RSBN1L: variants seen among roughly 807,000 people sequenced by gnomAD.
RSBN1L encodes round spermatid basic protein 1 like.
RSBN1L carries 30 observed loss-of-function variants against 67.7 expected under a neutral mutation model. The observed-to-expected ratio is 0.44, with a 90% CI of 0.33 to 0.60. The LOEUF (loss-of-function observed/expected upper bound fraction) is 0.60. Among genes scored for constraint, RSBN1L ranks in the 20% least tolerant of loss-of-function variants. The pLI is 0.02. For missense variants in RSBN1L, 992 were observed against 1,031.7 expected (o/e 0.96, Z 0.53); for synonymous variants, 433 against 387.0 (o/e 1.12, Z -1.39).
chr7:77,750,776 C>T (rs1032966464), intron 3 of RSBN1L, among the ~76,000 whole-genome samples: 5 of 152,038 alleles, frequency 3.3e-5, no homozygotes, highest in Middle Eastern at 3.4e-3. Context: ...TTTCTAGGAA[C>T]GGTTTTTGGT....
intron 2 of RSBN1L, among the ~76,000 whole-genome samples, chr7:77,744,724 A>G (rs1791459244): frequency 6.6e-6 from 1 of 152,158 alleles, no homozygotes; most frequent in African/African-American, 2.4e-5. Flanking sequence ...GGCCACAGAT[A>G]GACTCTTTAG....
At chr7:77,748,661 T>C (rs1321393175) in intron 2 of RSBN1L, among the ~76,000 whole-genome samples, 1 of 151,918 alleles carries the variant, frequency 6.6e-6, no homozygotes, top group Non-Finnish European at 1.5e-5. Flanking sequence ...ATTTTTGTGT[T>C]TTTAGTAGAG....
chr7:77,697,616 GTACCC>G, intron 1 of RSBN1L, among the ~76,000 whole-genome samples: 1 of 152,108 alleles, frequency 6.6e-6, no homozygotes, highest in African/African-American at 2.4e-5. Context: ...GTTTCGTAAG[GTACCC>G]TCCCTGCACC....
intron 3 of RSBN1L, among the ~76,000 whole-genome samples, chr7:77,756,426 G>T (rs1423768405): frequency 6.6e-6 from 1 of 151,958 alleles, no homozygotes; most frequent in Non-Finnish European, 1.5e-5. Context: ...AGCCACCCCG[G>T]CCTGACCTTT....
rs192623581 is a variant in RSBN1L at position 77,742,350 on chromosome 7, A to G, written c.703+5824A>G. The stretch of plus-strand genomic sequence containing the variant: ...ACAAGTTTCTGAGAGTCCTTTCCCA[A>G]TGTTGTCACATGTGATGTGCTTAAT... On this transcript the variant is annotated intron_variant, in intron 2 of 7. Transcript: ENST00000334955. 3.9e-5 allele frequency among the ~76,000 whole-genome samples: 6 copies of G among 152,272 alleles called. No individual in the cohort carries two copies. The East Asian group carries it at 9.7e-4, about 24-fold the overall frequency.
intron 6 of RSBN1L, among the ~76,000 whole-genome samples, chr7:77,776,246 T>C (rs1004396627): frequency 1.0e-5 from 1 of 97,636 alleles, no homozygotes; most frequent in African/African-American, 7.3e-5. Context: ...TAGGTTTTGC[T>C]CTATTTTTGT....
At position 77,738,608 on chromosome 7, in the gene RSBN1L, A is replaced by T. The variant is rs1791366768; in HGVS notation, c.703+2082A>T. On this transcript the variant is annotated intron_variant, in intron 2 of 7. Coordinates refer to ENST00000334955, the MANE Select transcript of RSBN1L (RefSeq NM_198467.3). ...ACTACTGAGTAGTAAATAGTTATGA[A>T]ATCTTTCTTGTAAGTATGTATGAGA... Among the ~76,000 whole-genome samples, 3 of 152,300 alleles carry T rather than the reference A, an allele frequency of 2.0e-5. No individual in the cohort carries two copies. The South Asian group carries it at 6.2e-4, about 32-fold the overall frequency.
At chr7:77,738,263 A>T (rs1791363033) in intron 2 of RSBN1L, among the ~76,000 whole-genome samples, 1 of 152,232 alleles carries the variant, frequency 6.6e-6, no homozygotes, top group Non-Finnish European at 1.5e-5. Context: ...CAGAGATTAC[A>T]CATGAAAATA....
intron 1 of RSBN1L, among the ~76,000 whole-genome samples, chr7:77,707,106 C>T (rs1027517818): frequency 6.6e-6 from 1 of 151,706 alleles, no homozygotes; most frequent in Non-Finnish European, 1.5e-5. Flanking sequence ...TCATTGCGAC[C>T]TCTGCCTCCC....
intron 5 of RSBN1L, among the ~76,000 whole-genome samples, chr7:77,770,692 A>AG: frequency 6.6e-6 from 1 of 152,278 alleles, no homozygotes; most frequent in East Asian, 1.9e-4. Context: ...TAAAAAAAAA[A>AG]TGGTGAAATA....
intron 2 of RSBN1L, among the ~76,000 whole-genome samples, chr7:77,744,344 G>GA (rs1562803038): frequency 6.8e-6 from 1 of 147,844 alleles, no homozygotes; most frequent in African/African-American, 2.5e-5. Context: ...CCTACTGTTT[G>GA]ACTTTTTTTT....
At chr7:77,765,738 T>C (rs1791758045) in intron 4 of RSBN1L, 106 bp downstream of exon 4, 1 of 787,118 alleles carries the variant, frequency 1.3e-6, no homozygotes, top group East Asian at 2.7e-5. Flanking sequence ...CTACATGCAA[T>C]ATAAATGAAT....
At chr7:77,710,866 A>G (rs546078070) in intron 1 of RSBN1L, among the ~76,000 whole-genome samples, 21 of 152,190 alleles carry the variant, frequency 1.4e-4, no homozygotes, top group Admixed American at 1.3e-3. Flanking sequence ...AAAGTGCTAT[A>G]CAGGCTTAAG....
At chr7:77,710,429 C>A (rs759453683) in intron 1 of RSBN1L, among the ~76,000 whole-genome samples, 1 of 152,084 alleles carries the variant, frequency 6.6e-6, no homozygotes, top group Non-Finnish European at 1.5e-5. Context: ...TTTCTCTACC[C>A]GTTTTCTTTC....
intron 3 of RSBN1L, among the ~76,000 whole-genome samples, chr7:77,762,549 T>C (rs1791708718): frequency 6.6e-6 from 1 of 152,142 alleles, no homozygotes; most frequent in Non-Finnish European, 1.5e-5. Context: ...GTAATACTTC[T>C]TCAGTCAATG....
In RSBN1L at chr7:77,754,720, C is replaced by G. The variant is rs538123560; in HGVS notation, c.1344+4656C>G. Among the ~76,000 whole-genome samples the G allele has an allele frequency of 1.8e-4, 28 of 152,122 alleles. No homozygotes were observed. The East Asian group carries it at 4.8e-3, about 26-fold the overall frequency. On this transcript the variant is annotated intron_variant, in intron 3 of 7. Coordinates refer to ENST00000334955, the MANE Select transcript of RSBN1L (RefSeq NM_198467.3). ...TCAGAAGTTTAGTAATTAGCCATGG[C>G]ACTATTCAGGAGGCTGAGGCAAGAG...
At chr7:77,761,788 T>C (rs1475752899) in intron 3 of RSBN1L, among the ~76,000 whole-genome samples, 1 of 152,224 alleles carries the variant, frequency 6.6e-6, no homozygotes, top group Non-Finnish European at 1.5e-5. Context: ...TATGAAATGA[T>C]ATATAGTTAA....
chr7:77,744,481 CTT>C (rs985267642), intron 2 of RSBN1L, among the ~76,000 whole-genome samples: 1 of 151,498 alleles, frequency 6.6e-6, no homozygotes, highest in Non-Finnish European at 1.5e-5. Context: ...TAGAGATAGA[CTT>C]TTTTTTTGAG....
chr7:77,711,260 C>T (rs1790969560), intron 1 of RSBN1L, among the ~76,000 whole-genome samples: 1 of 151,330 alleles, frequency 6.6e-6, no homozygotes, highest in Admixed American at 6.6e-5. Context: ...ATTTTGTATA[C>T]TCTAACTGCA....
Sources: gnomAD v4.1 joint callset for allele counts (sites outside exome capture counted in the v4.1 genomes callset) on GRCh38, gnomAD v4.1.1 for gene constraint, MANE v1.5 for transcripts, NCBI Gene and HGNC (gene_info 2026-07-23, HGNC 2026-07-21) for gene names.